The following ZNF514 variants were observed in gnomAD, a reference collection of about 807,000 sequenced individuals.
The protein encoded by ZNF514 is zinc finger protein 514.
In ZNF514, 12 loss-of-function variants were observed where a neutral mutation model predicts 9.7. The ratio of observed to expected loss-of-function variants is 1.24; its 90% confidence interval spans 0.79 to 2.01. ZNF514 has a LOEUF of 2.01. Among genes scored for constraint, ZNF514 ranks in the 30% most tolerant of loss-of-function variants. The probability of loss-of-function intolerance (pLI) is 0.00; values close to 1 mark genes in which losing one functional copy is unlikely to be tolerated. For missense variants in ZNF514, 467 were observed against 465.5 expected (o/e 1.00, Z -0.03); for synonymous variants, 158 against 163.7 (o/e 0.97, Z 0.27).
At chr2:95,139,402 C>G in the ZNF514 span, among the ~76,000 whole-genome samples, 1 of 152,232 alleles carries the variant, frequency 6.6e-6, no homozygotes, top group South Asian at 2.1e-4. Context: ...GAGCCCACCC[C>G]TTGCAGCAGT....
chr2:95,123,935 C>T, the ZNF514 span, among the ~76,000 whole-genome samples: 1 of 152,144 alleles, frequency 6.6e-6, no homozygotes, highest in African/African-American at 2.4e-5. Flanking sequence ...AAAAATAGTA[C>T]AGAGAGGTCC....
rs372684429 is a variant in ZNF514 at position 95,149,249 on chromosome 2, C to T, written c.*33G>A. 2.0e-6 allele frequency: 3 copies of T among 1,530,700 alleles called. No individual in the cohort carries two copies. The highest frequency in any genetic ancestry group is 2.6e-6 in the Non-Finnish European group (3 of 1,143,034). The allele number at this position is 1,530,700 out of a possible 1,614,324, so 94.8% of individuals were successfully genotyped here. A position where few individuals can be genotyped will look rare whatever the true frequency, so the allele number is the denominator to read the frequency against. On this transcript the variant is annotated 3_prime_UTR_variant, in exon 5 of 5. Coordinates refer to ENST00000295208, the MANE Select transcript of ZNF514 (RefSeq NM_032788.3). ...TCTTTAAGTTCCAGTGATGTCTGCA[C>T]TCCAGCTGAAAGCCCTTCTATATTC... is the stretch of plus-strand genomic sequence containing the variant.
chr2:95,152,717 C>T lies in ZNF514; in HGVS notation c.174G>A (p.Glu58=). Residue 58 remains glutamate, a synonymous_variant, in exon 4 of 5, where the codon GAG becomes GAA. Transcript: ENST00000295208. ...YVICQLEEGG[E]PFMVEREIST... is the part of the protein sequence containing the mutation. The stretch of plus-strand genomic sequence containing the variant: ...AGATTTCTCTCTCCACCATGAAGGG[C>T]TCACCCCCTTCCTCCAACTGGCAGA... 6.2e-7 allele frequency: 1 copy of T among 1,614,198 alleles called. No individual in the cohort carries two copies. The highest frequency in any genetic ancestry group is 2.2e-5 in the East Asian group (1 of 44,886).
the ZNF514 span, among the ~76,000 whole-genome samples, chr2:95,133,660 T>C: frequency 1.3e-5 from 2 of 152,242 alleles, no homozygotes; most frequent in Non-Finnish European, 2.9e-5. Context: ...CATTATTTCC[T>C]AGGCAATACA....
downstream of ZNF514, among the ~76,000 whole-genome samples, chr2:95,143,840 G>A (rs771821661): frequency 6.6e-6 from 1 of 152,128 alleles, no homozygotes; most frequent in Non-Finnish European, 1.5e-5. Flanking sequence ...TAATAAACTT[G>A]GCTGAAGGCA....
chr2:95,146,967 C>A lies in ZNF514; in HGVS notation c.*2315G>T, dbSNP rs550572377. On this transcript the variant is annotated 3_prime_UTR_variant, in exon 5 of 5. Coordinates refer to ENST00000295208, the MANE Select transcript of ZNF514 (RefSeq NM_032788.3). ...TGTGCATCCTACCTGCCCTGGCCAA[C>A]CTTGTGGACTCTTAGACCCAGCCTG... Among the ~76,000 whole-genome samples the A allele has an allele frequency of 1.3e-5, 2 of 152,176 alleles. No individual in the cohort carries two copies. The highest frequency in any genetic ancestry group is 2.1e-4 in the South Asian group (1 of 4,820).
In ZNF514 at chr2:95,145,540, T is replaced by C. The variant is rs1344732776; in HGVS notation, c.*3742A>G. Among the ~76,000 whole-genome samples the C allele has an allele frequency of 1.3e-5, 2 of 152,204 alleles. No homozygotes were observed. The highest frequency in any genetic ancestry group is 2.9e-5 in the Non-Finnish European group (2 of 68,026). ...ACCTTGGTCTCCACAACACCTTATC[T>C]TAACCCAGACATTCCCTTCTATTGA... On this transcript the variant is annotated 3_prime_UTR_variant, in exon 5 of 5. Coordinates refer to ENST00000295208, the MANE Select transcript of ZNF514 (RefSeq NM_032788.3).
the ZNF514 span, among the ~76,000 whole-genome samples, chr2:95,134,128 G>C: frequency 6.6e-6 from 1 of 151,974 alleles, no homozygotes; most frequent in African/African-American, 2.4e-5. Flanking sequence ...CAAGAATCTT[G>C]GCCAAATTTT....
chr2:95,125,333 T>C, the ZNF514 span, among the ~76,000 whole-genome samples: 2 of 149,628 alleles, frequency 1.3e-5, no homozygotes, highest in Admixed American at 6.7e-5. Flanking sequence ...CTCCGCCTCC[T>C]GGGTTCAAGC....
chr2:95,151,862 A>G (rs569535725), intron 4 of ZNF514, among the ~76,000 whole-genome samples: 1 of 152,314 alleles, frequency 6.6e-6, no homozygotes, highest in African/African-American at 2.4e-5. Context: ...TGGAAGGAAA[A>G]AAGATCAAGT....
At chr2:95,134,070 T>C in the ZNF514 span, among the ~76,000 whole-genome samples, 1 of 152,320 alleles carries the variant, frequency 6.6e-6, no homozygotes, top group Admixed American at 6.5e-5. Flanking sequence ...CAGCTGACCA[T>C]GAGAATGGAT....
At chr2:95,141,387 T>C (rs1385717576), downstream of ZNF514, among the ~76,000 whole-genome samples, 2 of 152,172 alleles carry the variant, frequency 1.3e-5, no homozygotes, top group Non-Finnish European at 2.9e-5. Flanking sequence ...GCAAAGGTAC[T>C]TCCAGAATAC....
Position 95,152,768 on chromosome 2 carries a change from G to C in ZNF514, c.123C>G (p.Gly41=). ...TCACATATGGTTTGGATACTAGAAG[G>C]CCTGATGGTAGAGAAGGAAAAGGAT... ...LENFRNLAIL[G]LLVSKPYVIC... is the part of the protein sequence containing the mutation. The change falls in exon 4 of 5, where the codon GGC becomes GGG. Residue 41 remains glycine (G), a splice_region_variant and synonymous_variant. Transcript: ENST00000295208. The C allele has an allele frequency of 1.9e-6, 3 of 1,613,884 alleles. No homozygotes were observed. Among genetic ancestry groups the C allele is most frequent in the Non-Finnish European group, 1.7e-6 (2 of 1,179,804 alleles).
chr2:95,159,636 CCCGCCCG>C lies in ZNF514; in HGVS notation c.-499_-493del. 6.1e-5 allele frequency: 8 copies of C among 130,804 alleles called. No individual in the cohort carries two copies. The highest frequency in any genetic ancestry group is 8.4e-5 in the Non-Finnish European group (5 of 59,432). 8.1% of individuals were successfully genotyped at this position (130,804 alleles called of 1,614,324 possible). ...CCCCGCCCGCCACCCCGCGCCAGCC[CCCGCCCG>C]CCACCCCGCGCCAGCCCCCGCCCGC... On this transcript the variant is annotated 5_prime_UTR_variant, in exon 1 of 5. Coordinates refer to ENST00000295208, the MANE Select transcript of ZNF514 (RefSeq NM_032788.3).
At chr2:95,156,896 T>C (rs1673701530) in intron 2 of ZNF514, among the ~76,000 whole-genome samples, 1 of 152,138 alleles carries the variant, frequency 6.6e-6, no homozygotes, top group African/African-American at 2.4e-5. Context: ...AGAACCTGCT[T>C]GTCCCCAATT....
At chr2:95,132,599 G>C in the ZNF514 span, among the ~76,000 whole-genome samples, 1 of 152,260 alleles carries the variant, frequency 6.6e-6, no homozygotes, top group East Asian at 1.9e-4. Flanking sequence ...GCCAGGCACA[G>C]TGGCTCACAC....
chr2:95,146,963 C>T lies in ZNF514; in HGVS notation c.*2319G>A, dbSNP rs1012896519. 6.6e-6 allele frequency among the ~76,000 whole-genome samples: 1 copy of T among 152,172 alleles called. No individual in the cohort carries two copies. The highest frequency in any genetic ancestry group is 1.5e-5 in the Non-Finnish European group (1 of 68,030). On this transcript the variant is annotated 3_prime_UTR_variant, in exon 5 of 5. Transcript: ENST00000295208. The stretch of plus-strand genomic sequence containing the variant: ...CTCCTGTGCATCCTACCTGCCCTGG[C>T]CAACCTTGTGGACTCTTAGACCCAG...
At chr2:95,123,906 G>A in the ZNF514 span, among the ~76,000 whole-genome samples, 1 of 152,220 alleles carries the variant, frequency 6.6e-6, no homozygotes, top group African/African-American at 2.4e-5. Context: ...CAGATTCAAA[G>A]ATACAGATAG....
rs1281366712 is a variant in ZNF514, at chr2:95,158,808, G to T, written c.-96+432C>A. The T allele has an allele frequency of 3.2e-6, 4 of 1,266,362 alleles. No homozygotes were observed. In the Admixed American group the frequency reaches 9.5e-5, roughly 30 times the overall value. 78.4% of individuals were successfully genotyped at this position (1,266,362 alleles called of 1,614,324 possible). ...GGAGACTGCGGCTTCAGCCTTCTGG[G>T]TCTGGAAGGTTAGATGTCGCCACAC... On this transcript the variant is annotated intron_variant, in intron 1 of 4. Coordinates refer to ENST00000295208, the MANE Select transcript of ZNF514 (RefSeq NM_032788.3).
Sources: allele counts gnomAD v4.1 joint callset (sites outside exome capture counted in the v4.1 genomes callset), GRCh38; gene constraint gnomAD v4.1.1; transcripts MANE v1.5; gene names NCBI Gene and HGNC (gene_info 2026-07-23, HGNC 2026-07-21).